CD46: variants seen among roughly 807,000 people sequenced by gnomAD.
CD46 encodes CD46 molecule, also known as membrane cofactor protein.
CD46 carries 30 observed loss-of-function variants against 53.3 expected under a neutral mutation model. That is an observed-to-expected ratio of 0.56 (90% CI 0.42 to 0.76). The LOEUF (loss-of-function observed/expected upper bound fraction) is 0.76. CD46 is among the 30% of genes least tolerant of loss of function. CD46 has a pLI of 0.00. For synonymous variants in CD46, 142 were observed against 152.0 expected, an observed-to-expected ratio of 0.93 and a Z score of 0.48; for missense variants, 409 against 463.0, an observed-to-expected ratio of 0.88 and a Z score of 1.07.
At chr1:207,790,529 T>C (rs995434495) in intron 12 of CD46, among the ~76,000 whole-genome samples, 184 bp downstream of exon 12, 10 of 152,200 alleles carry the variant, frequency 6.6e-5, no homozygotes, top group African/African-American at 2.4e-4. Context: ...GAAAACATAA[T>C]GTGTACTGAC....
intron 7 of CD46, chr1:207,768,571 C>G (rs1401277665): frequency 1.3e-5 from 2 of 152,086 alleles, no homozygotes; most frequent in African/African-American, 2.4e-5. Context: ...GCAATAGCAA[C>G]TCAATTTTAT....
rs1337283126 is a variant in CD46 at position 207,761,453 on chromosome 1, T to G, written c.673+7T>G. The G allele has an allele frequency of 1.2e-6, 2 of 1,602,698 alleles. No homozygotes were observed. Among genetic ancestry groups the G allele is most frequent in the African/African-American group, 2.7e-5 (2 of 74,720 alleles). ...GCTGCTCCAGAGTGTAAAGGTAGTG[T>G]TTCAATTTATTTCCTTCTTCATTTG... On this transcript the variant is annotated splice_region_variant and intron_variant, in intron 5 of 12. Transcript: ENST00000367042.
intron 7 of CD46, 61 bp downstream of exon 7, chr1:207,767,884 T>A (rs2102600371): frequency 7.6e-7 from 1 of 1,321,914 alleles, no homozygotes; most frequent in Non-Finnish European, 1.1e-6. Flanking sequence ...TGATTTTTTA[T>A]AAAATCCTTC....
chr1:207,752,355 T>G lies in CD46; in HGVS notation c.97+46T>G. The G allele has an allele frequency of 6.4e-7, 1 of 1,558,878 alleles. No individual in the cohort carries two copies. The highest frequency in any genetic ancestry group is 8.8e-7 in the Non-Finnish European group (1 of 1,130,752). ...CGCGCGTCCGCGGCGAGACTAGAGC[T>G]CTCCTCAGTCGGGCAAGAGTCGCGG... is the stretch of plus-strand genomic sequence containing the variant. On this transcript the variant is annotated intron_variant, in intron 1 of 12. Coordinates refer to ENST00000367042, the MANE Select transcript of CD46 (RefSeq NM_172351.3). The surrounding 1 kb of genome is among the most constrained non-coding windows in gnomAD (Gnocchi z 4.1).
In CD46 at chr1:207,783,343, A is replaced by G. The variant is rs1571678910; in HGVS notation, c.982+13A>G. On this transcript the variant is annotated intron_variant, in intron 9 of 12. Coordinates refer to ENST00000367042, the MANE Select transcript of CD46 (RefSeq NM_172351.3). ...CTTGACAGTTTGGGTTGGTATAGCT[A>G]TCATGACAAATATAAGTGGTAGTAT... 6.6e-7 allele frequency: 1 copy of G among 1,511,654 alleles called. No homozygotes were observed. Among genetic ancestry groups the G allele is most frequent in the South Asian group, 1.1e-5 (1 of 88,808 alleles). The allele number at this position is 1,511,654 out of a possible 1,614,324, so 93.6% of individuals were successfully genotyped here.
At position 207,790,291 on chromosome 1, in the gene CD46, T is replaced by A. The variant is rs1659679814; in HGVS notation, c.1121T>A (p.Phe374Tyr). ...GATGAGACCCACAGAGAAGTAAAAT[T>A]TACTTCTCTCTGAGAAGGAGAGATG... ...LTDETHREVK[F>Y]TSL Residue 374 changes from phenylalanine (F) to tyrosine (Y), a missense_variant, in exon 12 of 13, where the codon TTT (phenylalanine) becomes TAT (tyrosine). Coordinates refer to ENST00000367042, the MANE Select transcript of CD46 (RefSeq NM_172351.3). The A allele has an allele frequency of 1.2e-6, 2 of 1,600,544 alleles. No individual in the cohort carries two copies. The highest frequency in any genetic ancestry group is 2.2e-5 in the East Asian group (1 of 44,730).
chr1:207,775,033 G>T (rs868827103), intron 8 of CD46, among the ~76,000 whole-genome samples: 12 of 152,288 alleles, frequency 7.9e-5, no homozygotes, highest in African/African-American at 2.6e-4. Flanking sequence ...ATCAAACGTA[G>T]ATTTGGTGTT....
At chr1:207,776,175 A>G (rs1224381819) in intron 8 of CD46, among the ~76,000 whole-genome samples, 4 of 152,218 alleles carry the variant, frequency 2.6e-5, no homozygotes, top group African/African-American at 9.6e-5. Context: ...GGGACCTGCC[A>G]AGCCATGCAC....
At chr1:207,771,603 C>T (rs1657513208) in intron 8 of CD46, among the ~76,000 whole-genome samples, 2 of 152,168 alleles carry the variant, frequency 1.3e-5, no homozygotes, top group South Asian at 4.1e-4. Flanking sequence ...CCAGTTTCAG[C>T]TTTCTACATA....
At chr1:207,791,348 A>G (rs574982477) in intron 12 of CD46, among the ~76,000 whole-genome samples, 5 of 152,352 alleles carry the variant, frequency 3.3e-5, no homozygotes, top group Admixed American at 2.0e-4. Flanking sequence ...ACTAATAACT[A>G]ATAATATCAA....
chr1:207,783,969 T>C (rs979158047), intron 9 of CD46, among the ~76,000 whole-genome samples: 11 of 152,236 alleles, frequency 7.2e-5, no homozygotes, highest in Non-Finnish European at 1.6e-4. Flanking sequence ...AATGGCAGTT[T>C]AGAAGCAAAG....
intron 11 of CD46, among the ~76,000 whole-genome samples, chr1:207,786,419 G>A (rs533272143): frequency 4.4e-4 from 67 of 152,234 alleles, no homozygotes; most frequent in African/African-American, 1.6e-3. Context: ...ATCTTCTAAA[G>A]AAAATAGGGT....
chr1:207,759,499 G>A (rs532316809), intron 3 of CD46, 140 bp from the exon 4 acceptor site: 15 of 607,720 alleles, frequency 2.5e-5, no homozygotes, highest in Non-Finnish European at 3.9e-5. Flanking sequence ...TAGCACTTTC[G>A]TTATATAGTA....
intron 11 of CD46, among the ~76,000 whole-genome samples, chr1:207,789,051 T>A (rs898987694): frequency 1.3e-5 from 2 of 152,234 alleles, no homozygotes; most frequent in African/African-American, 2.4e-5. Context: ...GCCACAGCCC[T>A]GTCTTTGCTA....
intron 5 of CD46, among the ~76,000 whole-genome samples, chr1:207,766,363 A>C (rs1016024971): frequency 2.6e-5 from 4 of 152,192 alleles, no homozygotes; most frequent in African/African-American, 4.8e-5. Flanking sequence ...ACAAAAGGTC[A>C]GTGAACCTGA....
At chr1:207,767,355 T>C (rs750965296) in intron 6 of CD46, 160 bp downstream of exon 6, 1 of 760,416 alleles carries the variant, frequency 1.3e-6, no homozygotes, top group Non-Finnish European at 2.2e-6. Flanking sequence ...GCCAGATGAA[T>C]GACACGAAAT....
chr1:207,770,802 T>C (rs1055070584), intron 8 of CD46, among the ~76,000 whole-genome samples: 6 of 152,240 alleles, frequency 3.9e-5, no homozygotes, highest in Non-Finnish European at 5.9e-5. Context: ...CAGTCTATCA[T>C]TGATGGACAT....
intron 8 of CD46, among the ~76,000 whole-genome samples, chr1:207,777,003 T>C (rs1450903696): frequency 6.6e-6 from 1 of 152,206 alleles, no homozygotes; most frequent in Non-Finnish European, 1.5e-5. Flanking sequence ...ATTCATGTGC[T>C]TTGTCTATTT....
At position 207,793,563 on chromosome 1, in the gene CD46, C is replaced by A; in HGVS notation, c.*86C>A. On this transcript the variant is annotated 3_prime_UTR_variant, in exon 13 of 13. Transcript: ENST00000367042. ...GAATATGCCACTTACCAGACTAAATCAACCACTCCAGCAGAGCAGAGAGGC... is the reference window on the plus strand; with the variant it reads ...GAATATGCCACTTACCAGACTAAATAAACCACTCCAGCAGAGCAGAGAGGC... 6.2e-7 allele frequency: 1 copy of A among 1,614,024 alleles called. No individual in the cohort carries two copies. The highest frequency in any genetic ancestry group is 1.1e-5 in the South Asian group (1 of 91,078).
Sources: gnomAD v4.1 joint callset for allele counts (sites outside exome capture counted in the v4.1 genomes callset) on GRCh38, gnomAD v4.1.1 for gene constraint, Gnocchi (gnomAD v3.1) non-coding constraint, MANE v1.5 for transcripts, NCBI Gene and HGNC (gene_info 2026-07-23, HGNC 2026-07-21) for gene names.